Variants in SCEL observed in about 807,000 individuals in gnomAD.
SCEL encodes the protein sciellin.
SCEL carries 113 observed loss-of-function variants against 117.6 expected under a neutral mutation model. The observed-to-expected ratio is 0.96, with a 90% CI of 0.83 to 1.12. SCEL has a LOEUF of 1.12. Among genes scored for constraint, SCEL ranks in the 50% most tolerant of loss-of-function variants. The probability of loss-of-function intolerance (pLI) is 0.00; values close to 1 mark genes in which losing one functional copy is unlikely to be tolerated. For missense variants in SCEL, 785 were observed against 810.8 expected (o/e 0.97, Z 0.39); for synonymous variants, 270 against 256.2 (o/e 1.05, Z -0.51).
chr13:77,560,014 AGG>A, intron 4 of SCEL, 151 bp downstream of exon 4: 1 of 706,312 alleles, frequency 1.4e-6, no homozygotes, highest in Non-Finnish European at 2.4e-6. Flanking sequence ...ATATCATCAG[AGG>A]TTTCCACAAG....
At chr13:77,637,814 C>G (rs575204935) in intron 30 of SCEL, among the ~76,000 whole-genome samples, 222 of 152,258 alleles carry the variant, frequency 1.5e-3, no homozygotes, top group Non-Finnish European at 2.3e-3. Flanking sequence ...AAGCTCAGTT[C>G]CCAGGAGTGG....
At position 77,627,973 on chromosome 13, in the gene SCEL, A is replaced by T; in HGVS notation, c.1655A>T (p.Glu552Val). The change falls in exon 28 of 33, where the codon GAA becomes GTA. Residue 552 changes from glutamate (E) to valine (V), a missense_variant. By Grantham distance (121) the Glu-to-Val change is moderately radical. Transcript: ENST00000349847. ...NRDQNLENLIEVNSHVSENKN... is the reference protein window; with the variant it reads ...NRDQNLENLIVVNSHVSENKN... ...GACCAGAACCTGGAAAATTTAATTG[A>T]AGTAAATTCTCATGTGTCTGAAAAC... 1 of 1,501,518 alleles carries T rather than the reference A, an allele frequency of 6.7e-7. No individual in the cohort carries two copies. The highest frequency in any genetic ancestry group is 9.1e-7 in the Non-Finnish European group (1 of 1,104,012). 93.0% of individuals were successfully genotyped at this position (1,501,518 alleles called of 1,614,324 possible). A position where few individuals can be genotyped will look rare whatever the true frequency, so the allele number is the denominator to read the frequency against.
intron 24 of SCEL, among the ~76,000 whole-genome samples, 164 bp downstream of exon 24, chr13:77,614,119 G>A (rs2181614): frequency 0.45 from 67,832 of 151,942 alleles, 16,988 homozygotes; most frequent in Middle Eastern, 0.55. Context: ...AGAAAGAGAG[G>A]CAGCTGGAAA....
At chr13:77,587,901 C>A (rs974263606) in intron 9 of SCEL, among the ~76,000 whole-genome samples, 1 of 152,118 alleles carries the variant, frequency 6.6e-6, no homozygotes, top group Admixed American at 6.6e-5. Flanking sequence ...CATCTCTAAG[C>A]TAATGATGGC....
At chr13:77,602,200 T>C in intron 16 of SCEL, 76 bp downstream of exon 16, 2 of 1,216,534 alleles carry the variant, frequency 1.6e-6, no homozygotes, top group South Asian at 1.4e-5. Flanking sequence ...ATGGGAGTGT[T>C]ATGCTTTCCT....
chr13:77,640,752 T>C lies in SCEL; in HGVS notation c.1915T>C (p.Leu639=). Residue 639 remains leucine, a synonymous_variant, in exon 31 of 33, where the codon TTA becomes CTA. Coordinates refer to ENST00000349847, the MANE Select transcript of SCEL (RefSeq NM_144777.3). ...GVETKMILDE[L]QICCHSTCFK... ...AGAAACTAAAATGATTTTAGATGAA[T>C]TACAAATTTGCTGCCATTCTACTTG... The C allele has an allele frequency of 6.2e-7, 1 of 1,602,650 alleles. No homozygotes were observed. The highest frequency in any genetic ancestry group is 1.3e-5 in the African/African-American group (1 of 74,698).
chr13:77,581,053 C>G (rs575853609), intron 9 of SCEL, among the ~76,000 whole-genome samples: 101 of 152,248 alleles, frequency 6.6e-4, no homozygotes, highest in Middle Eastern at 3.4e-3. Flanking sequence ...ATTTTTAACT[C>G]TATTGGTACC....
intron 8 of SCEL, among the ~76,000 whole-genome samples, chr13:77,571,660 G>C (rs559024942): frequency 1.3e-5 from 2 of 151,284 alleles, no homozygotes; most frequent in East Asian, 3.9e-4. Context: ...TTACACTCCG[G>C]CCTGGGCAAC....
intron 1 of SCEL, among the ~76,000 whole-genome samples, chr13:77,544,186 A>T (rs2083874033): frequency 6.6e-6 from 1 of 152,224 alleles, no homozygotes. Flanking sequence ...AGCAGTCAGA[A>T]TTGAAGTCCT....
At chr13:77,551,494 G>T (rs1159953732) in intron 1 of SCEL, among the ~76,000 whole-genome samples, 1 of 152,178 alleles carries the variant, frequency 6.6e-6, no homozygotes, top group Non-Finnish European at 1.5e-5. Context: ...TTGTCTCACA[G>T]TTGTGGGGGC....
At chr13:77,609,258 A>G (rs904281921) in intron 21 of SCEL, 141 bp downstream of exon 21, 1 of 677,124 alleles carries the variant, frequency 1.5e-6, no homozygotes, top group Non-Finnish European at 2.3e-6. Context: ...CACATCTGAA[A>G]TGTTAAAAAT....
At chr13:77,618,193 C>G in intron 27 of SCEL, 133 bp downstream of exon 27, 1 of 710,872 alleles carries the variant, frequency 1.4e-6, no homozygotes, top group South Asian at 1.7e-5. Flanking sequence ...TTCTTTCTTT[C>G]CTTCCTTCCT....
chr13:77,612,936 C>A lies in SCEL; in HGVS notation c.1383C>A (p.Asn461Lys). Reference sequence around the variant, plus strand: ...TTATCAAAGTGATCCCTTCAGCAAACAAAAGGTAAACTTATTAAGATAATT... The same window carrying A: ...TTATCAAAGTGATCCCTTCAGCAAAAAAAAGGTAAACTTATTAAGATAATT... ...ENLIKVIPSA[N>K]KSSEQGLDEH... The change falls in exon 23 of 33, where the codon AAC (asparagine) becomes AAA (lysine). Residue 461 changes from asparagine to lysine, a missense_variant. Coordinates refer to ENST00000349847, the MANE Select transcript of SCEL (RefSeq NM_144777.3). 6.4e-7 allele frequency: 1 copy of A among 1,554,768 alleles called. No homozygotes were observed.
At chr13:77,636,906 T>C (rs2090305170) in intron 29 of SCEL, among the ~76,000 whole-genome samples, 1 of 152,184 alleles carries the variant, frequency 6.6e-6, no homozygotes, top group Non-Finnish European at 1.5e-5. Context: ...TTCCTTACCC[T>C]ACTCTCTATT....
intron 4 of SCEL, 67 bp downstream of exon 4, chr13:77,559,930 T>C (rs2084879530): frequency 6.0e-6 from 8 of 1,329,428 alleles, no homozygotes; most frequent in Non-Finnish European, 6.5e-6. Context: ...AGAAGACTTG[T>C]TCAAGACAGC....
At chr13:77,601,509 C>T (rs551753275) in intron 15 of SCEL, among the ~76,000 whole-genome samples, 38 of 152,026 alleles carry the variant, frequency 2.5e-4, no homozygotes, top group Non-Finnish European at 5.1e-4. Context: ...TTCATATTCG[C>T]TAATAATTTT....
Position 77,602,079 on chromosome 13 carries a change from G to C in SCEL, c.932G>C (p.Gly311Ala). 6.2e-7 allele frequency: 1 copy of C among 1,610,044 alleles called. No homozygotes were observed. The highest frequency in any genetic ancestry group is 8.5e-7 in the Non-Finnish European group (1 of 1,178,452). The stretch of plus-strand genomic sequence containing the variant: ...ATGTTGTAAAGAATCCAAAGCCTTG[G>C]AAGTCCGATTAAAGTTAATCAAAGG... ...DKDGKGIQSL[G>A]SPIKVNQRTD... The change falls in exon 16 of 33, where the codon GGA (glycine) becomes GCA (alanine). Residue 311 changes from glycine to alanine, a missense_variant. Coordinates refer to ENST00000349847, the MANE Select transcript of SCEL (RefSeq NM_144777.3).
At chr13:77,644,218 C>G in intron 32 of SCEL, 40 bp from the exon 33 acceptor site, 1 of 1,610,652 alleles carries the variant, frequency 6.2e-7, no homozygotes, top group Non-Finnish European at 8.5e-7. Flanking sequence ...GAGCTTGTTT[C>G]TGTACTGAAT....
At chr13:77,574,912 A>G (rs2085850669) in intron 9 of SCEL, among the ~76,000 whole-genome samples, 1 of 152,102 alleles carries the variant, frequency 6.6e-6, no homozygotes, top group African/African-American at 2.4e-5. Context: ...CGTAAGACTG[A>G]CACCCTCACT....
Sources: allele counts gnomAD v4.1 joint callset (sites outside exome capture counted in the v4.1 genomes callset), GRCh38; gene constraint gnomAD v4.1.1; transcripts MANE v1.5; gene names NCBI Gene and HGNC (gene_info 2026-07-23, HGNC 2026-07-21).